The following DOCK9 variants were observed in gnomAD, a reference collection of about 807,000 sequenced individuals.
DOCK9 encodes the protein dedicator of cytokinesis 9, also known as dedicator of cytokinesis protein 9.
DOCK9 carries 89 observed loss-of-function variants against 263.3 expected under a neutral mutation model. The ratio of observed to expected loss-of-function variants is 0.34; its 90% CI spans 0.28 to 0.40. The LOEUF (loss-of-function observed/expected upper bound fraction) is 0.40. DOCK9 is among the 10% of genes least tolerant of loss of function. DOCK9 has a pLI of 1.00. For missense variants in DOCK9, 2,140 were observed against 2,603.4 expected (o/e 0.82, Z 3.87); for synonymous variants, 976 against 973.1 (o/e 1.00, Z -0.06).
chr13:98,996,521 T>G lies in DOCK9; in HGVS notation c.130-40970A>C, dbSNP rs1473954768. Reference sequence around the variant, plus strand: ...TCCTTACATTACCCATATATTCCAATAATCTATTTCAAAATCAAAGAATTT... The same window carrying G: ...TCCTTACATTACCCATATATTCCAAGAATCTATTTCAAAATCAAAGAATTT... On this transcript the variant is annotated intron_variant, in intron 1 of 32. Transcript: ENST00000427887. Among the ~76,000 whole-genome samples, 4 of 152,222 alleles carry G rather than the reference T, an allele frequency of 2.6e-5. No homozygotes were observed. The East Asian group carries it at 7.7e-4, about 29-fold the overall frequency.
In DOCK9 at chr13:98,825,056, G is replaced by A. The variant is rs1478484694; in HGVS notation, c.5024-552C>T. On this transcript the variant is annotated intron_variant, in intron 44 of 52. Transcript: ENST00000682017. The surrounding 1 kb of genome is among the most constrained non-coding windows in gnomAD (Gnocchi z 4.1). ...GCTGCCTTAGCTGGTTCCCACCCCA[G>A]AGGCCCCGGGGTGGGTGGCTGGCTG... 6.6e-6 allele frequency among the ~76,000 whole-genome samples: 1 copy of A among 152,192 alleles called. No individual in the cohort carries two copies. Among genetic ancestry groups the A allele is most frequent in the East Asian group, 1.9e-4 (1 of 5,176 alleles).
intron 1 of DOCK9, among the ~76,000 whole-genome samples, chr13:98,997,567 C>T (rs1170545716): frequency 6.6e-6 from 1 of 152,212 alleles, no homozygotes; most frequent in African/African-American, 2.4e-5. Context: ...GGTTTGTCTT[C>T]AAAACCACCC....
At chr13:98,867,738 T>G (rs1005968135) in intron 29 of DOCK9, among the ~76,000 whole-genome samples, 190 bp downstream of exon 29, 1 of 152,168 alleles carries the variant, frequency 6.6e-6, no homozygotes, top group Non-Finnish European at 1.5e-5. Context: ...ATAAACAATG[T>G]CTTCAATTGA....
chr13:98,954,698 T>C (rs2057818410), intron 2 of DOCK9, among the ~76,000 whole-genome samples: 1 of 152,056 alleles, frequency 6.6e-6, no homozygotes, highest in East Asian at 1.9e-4. Flanking sequence ...AATGCCATCC[T>C]AAAAAAAGGC....
At position 98,829,543 on chromosome 13, in the gene DOCK9, G is replaced by C; in HGVS notation, c.4750-21C>G. On this transcript the variant is annotated intron_variant, in intron 42 of 52. Coordinates refer to ENST00000682017, the MANE Select transcript of DOCK9 (RefSeq NM_001366683.2). This position sits in a 1 kb window ranked among gnomAD's most constrained non-coding sequence, Gnocchi z 4.1. ...GTGTGCTAAAACAAGGGTGGAAGAG[G>C]AAAGGACACATGGCTTCCTCTGTTT... 6.2e-7 allele frequency: 1 copy of C among 1,603,808 alleles called. No homozygotes were observed. Among genetic ancestry groups the C allele is most frequent in the East Asian group, 2.2e-5 (1 of 44,620 alleles).
intron 38 of DOCK9, 112 bp downstream of exon 38, chr13:98,845,812 T>G: frequency 3.5e-6 from 5 of 1,409,936 alleles, no homozygotes; most frequent in Non-Finnish European, 3.9e-6. Flanking sequence ...CTACTTGCTT[T>G]GAGCTAGAAG....
At position 98,888,625 on chromosome 13, in the gene DOCK9, CACTT is replaced by C; in HGVS notation, c.1789+3_1789+6del. On this transcript the variant is annotated splice_donor_5th_base_variant and intron_variant, in intron 16 of 52. Transcript: ENST00000682017. ...AATTCTGTCTATTATGTAGAACTGACACTTACTAGGGAAGTCTGAGGAAACATTA... is the reference window on the plus strand; with the variant it reads ...AATTCTGTCTATTATGTAGAACTGACACTAGGGAAGTCTGAGGAAACATTA... 1.2e-6 allele frequency: 2 copies of C among 1,613,526 alleles called. No individual in the cohort carries two copies. The highest frequency in any genetic ancestry group is 1.7e-6 in the Non-Finnish European group (2 of 1,179,556).
intron 1 of DOCK9, among the ~76,000 whole-genome samples, chr13:99,034,517 A>G (rs1422899084): frequency 6.6e-6 from 1 of 152,208 alleles, no homozygotes; most frequent in African/African-American, 2.4e-5. Flanking sequence ...TGAGTCAATC[A>G]TTAAACTTCT....
chr13:99,026,076 C>CAAAAAA (rs1219581602), intron 1 of DOCK9, among the ~76,000 whole-genome samples: 1 of 27,232 alleles, frequency 3.7e-5, no homozygotes. Flanking sequence ...GACTCCGTCT[C>CAAAAAA]AAAAAAAAAA....
At chr13:99,040,414 T>C (rs1231926415) in intron 1 of DOCK9, among the ~76,000 whole-genome samples, 2 of 151,744 alleles carry the variant, frequency 1.3e-5, no homozygotes, top group Non-Finnish European at 2.9e-5. Context: ...AAAAGGAAAT[T>C]GAAAAGAAAC....
At chr13:98,806,754 C>A (rs1227009124) in intron 48 of DOCK9, among the ~76,000 whole-genome samples, 1 of 151,880 alleles carries the variant, frequency 6.6e-6, no homozygotes, top group African/African-American at 2.4e-5. Flanking sequence ...ACCAAAAATA[C>A]AAAAATTAGC....
At chr13:98,832,194 C>G in intron 39 of DOCK9, 1 of 172,728 alleles carries the variant, frequency 5.8e-6, no homozygotes, top group Non-Finnish European at 1.2e-5. Flanking sequence ...GTATATGAAA[C>G]AGGTCTTCGA....
At chr13:98,880,397 A>G in intron 26 of DOCK9, 150 bp downstream of exon 26, 1 of 967,948 alleles carries the variant, frequency 1.0e-6, no homozygotes, top group Non-Finnish European at 1.5e-6. Flanking sequence ...TCAAGACACA[A>G]TTAGAAAAGT....
chr13:99,015,336 A>G (rs1885223199), intron 1 of DOCK9: 1 of 933,056 alleles, frequency 1.1e-6, no homozygotes, highest in South Asian at 2.7e-5. Flanking sequence ...ATTTATACAC[A>G]CAGACTACAT....
chr13:98,882,766 G>A (rs1190250374), intron 23 of DOCK9, among the ~76,000 whole-genome samples: 1 of 152,196 alleles, frequency 6.6e-6, no homozygotes, highest in African/African-American at 2.4e-5. Context: ...CGGTACCCAG[G>A]GAGGTCCGTC....
At chr13:98,950,987 G>T (rs1158223160) in intron 2 of DOCK9, among the ~76,000 whole-genome samples, 1 of 152,196 alleles carries the variant, frequency 6.6e-6, no homozygotes, top group Non-Finnish European at 1.5e-5. Flanking sequence ...TTGACTTTCA[G>T]TTAAACAGAG....
At chr13:98,833,222 A>AT (rs1555352145) in intron 39 of DOCK9, 60,032 of 146,494 alleles carry the variant, frequency 0.41, 12,771 homozygotes, top group Middle Eastern at 0.54. Flanking sequence ...AAAAAAAAAA[A>AT]GATTTCCAGT....
rs146581245 is a variant in DOCK9 at position 98,975,472 on chromosome 13, T to TACACACACACACACACAC, written c.126+2294_126+2311dup. 1.7e-4 allele frequency among the ~76,000 whole-genome samples: 24 copies of TACACACACACACACACAC among 142,512 alleles called. No individual in the cohort carries two copies. In the South Asian group the frequency reaches 2.1e-3, roughly 12 times the overall value. The allele number at this position is 142,512 out of a possible 152,430, so 93.5% of individuals were successfully genotyped here. The stretch of plus-strand genomic sequence containing the variant: ...CATAATAGTATATTCTCTAAACACA[T>TACACACACACACACACAC]ACACACACACACACACACACACACA... On this transcript the variant is annotated intron_variant, in intron 1 of 52. Coordinates refer to ENST00000682017, the MANE Select transcript of DOCK9 (RefSeq NM_001366683.2).
intron 1 of DOCK9, among the ~76,000 whole-genome samples, chr13:99,041,635 G>A (rs911905993): frequency 6.6e-6 from 1 of 151,868 alleles, no homozygotes; most frequent in Non-Finnish European, 1.5e-5. Context: ...TAGGTTAGAT[G>A]GTGTTCCCCA....
Sources: allele counts gnomAD v4.1 joint callset (sites outside exome capture counted in the v4.1 genomes callset), GRCh38; gene constraint gnomAD v4.1.1; non-coding constraint Gnocchi (gnomAD v3.1); transcripts MANE v1.5; gene names NCBI Gene and HGNC (gene_info 2026-07-23, HGNC 2026-07-21).